ALB: variants seen among roughly 807,000 people sequenced by gnomAD.
The protein encoded by ALB is serum albumin.
A neutral mutation model predicts 74.5 loss-of-function variants in ALB; 37 were observed. The observed-to-expected ratio is 0.50, with a 90% CI of 0.38 to 0.65. The LOEUF (loss-of-function observed/expected upper bound fraction) is 0.65. ALB is among the 30% of genes least tolerant of loss of function. The pLI is 0.00. For missense variants in ALB, 685 were observed against 718.7 expected (o/e 0.95, Z 0.54); for synonymous variants, 249 against 251.6 (o/e 0.99, Z 0.10).
chr4:73,417,763 G>GTGTGTGTGTGCA, intron 11 of ALB, 94 bp downstream of exon 11: 1 of 1,153,242 alleles, frequency 8.7e-7, no homozygotes, highest in Non-Finnish European at 1.2e-6. Flanking sequence ...AGGAAGTAAT[G>GTGTGTGTGTGCA]TGTGTGTGTG....
At position 73,417,633 on chromosome 4, in the gene ALB, T is replaced by C; in HGVS notation, c.1392T>C (p.His464=). The change falls in exon 11 of 15, where the codon CAT becomes CAC. Residue 464 remains histidine, a synonymous_variant. Transcript: ENST00000295897. The part of the protein sequence containing the change: ...LGKVGSKCCK[H]PEAKRMPCAE... ...AAGTGGGCAGCAAATGTTGTAAACA[T>C]CCTGAAGCAAAAAGAATGCCCTGTG... The C allele has an allele frequency of 6.2e-7, 1 of 1,613,866 alleles. No homozygotes were observed. Among genetic ancestry groups the C allele is most frequent in the African/African-American group, 1.3e-5 (1 of 74,988 alleles).
intron 10 of ALB, among the ~76,000 whole-genome samples, chr4:73,416,695 T>C (rs1308530027): frequency 2.0e-5 from 3 of 152,194 alleles, no homozygotes; most frequent in African/African-American, 7.2e-5. Flanking sequence ...CAGCAAGTAG[T>C]AGGCCTTGAA....
chr4:73,413,995 C>A (rs1382851808), intron 8 of ALB, among the ~76,000 whole-genome samples: 1 of 152,112 alleles, frequency 6.6e-6, no homozygotes, highest in East Asian at 1.9e-4. Context: ...GTCTATCTAA[C>A]TAATCTAATC....
intron 6 of ALB, among the ~76,000 whole-genome samples, chr4:73,411,456 T>A (rs1417655641): frequency 6.6e-6 from 1 of 152,244 alleles, no homozygotes; most frequent in Non-Finnish European, 1.5e-5. Context: ...GTAGAAGTTA[T>A]GATTTCTTTT....
intron 9 of ALB, chr4:73,415,378 G>C (rs1444673233): frequency 1.8e-6 from 1 of 540,800 alleles, no homozygotes; most frequent in Non-Finnish European, 3.2e-6. Flanking sequence ...GATCTGAATA[G>C]AGCAATCTCT....
intron 14 of ALB, 27 bp from the exon 15 acceptor site, chr4:73,421,065 A>G (rs766727932): frequency 4.4e-6 from 3 of 683,324 alleles, no homozygotes; most frequent in Middle Eastern, 2.5e-4. Flanking sequence ...TACAAATAAG[A>G]CTTATATTTG....
At chr4:73,410,188 T>C (rs1415721305) in intron 5 of ALB, 124 bp from the exon 6 acceptor site, 4 of 741,932 alleles carry the variant, frequency 5.4e-6, no homozygotes, top group Non-Finnish European at 9.8e-6. Flanking sequence ...AAGGGAGTAC[T>C]TGGGAATTTA....
At position 73,416,323 on chromosome 4, in the gene ALB, A is replaced by G; in HGVS notation, c.1259A>G (p.Glu420Gly). Residue 420 changes from glutamate (E) to glycine (G), a missense_variant, in exon 10 of 15, where the codon GAG (glutamate) becomes GGG (glycine). Physicochemically the swap from Glu to Gly is moderately conservative, Grantham distance 98. Transcript: ENST00000295897. ...ATCAAACAAAATTGTGAGCTTTTTGAGCAGCTTGGAGAGTACAAATTCCAG... is the reference window on the plus strand; with the variant it reads ...ATCAAACAAAATTGTGAGCTTTTTGGGCAGCTTGGAGAGTACAAATTCCAG... Reference protein sequence around the residue: ...NLIKQNCELFEQLGEYKFQNA... With the variant: ...NLIKQNCELFGQLGEYKFQNA... 1 of 1,613,636 alleles carries G rather than the reference A, an allele frequency of 6.2e-7. No individual in the cohort carries two copies. Among genetic ancestry groups the G allele is most frequent in the Middle Eastern group, 1.7e-4 (1 of 6,020 alleles).
chr4:73,405,936 A>T (rs1361557413), intron 2 of ALB, among the ~76,000 whole-genome samples: 1 of 151,848 alleles, frequency 6.6e-6, no homozygotes, highest in Non-Finnish European at 1.5e-5. Context: ...TTGTTTTTTT[A>T]AAAGTCTACC....
chr4:73,416,217 G>C, intron 9 of ALB, 39 bp from the exon 10 acceptor site: 1 of 1,548,290 alleles, frequency 6.5e-7, no homozygotes, highest in East Asian at 2.3e-5. Flanking sequence ...ATCTGATCCT[G>C]AGGCATAATA....
At chr4:73,421,005 C>A (rs1647181995) in intron 14 of ALB, 87 bp from the exon 15 acceptor site, 2 of 635,434 alleles carry the variant, frequency 3.1e-6, no homozygotes, top group South Asian at 1.8e-5. Context: ...GAAAGATGAT[C>A]TAAGTAATTT....
At chr4:73,418,034 G>T in intron 11 of ALB, 54 bp from the exon 12 acceptor site, 1 of 1,570,066 alleles carries the variant, frequency 6.4e-7, no homozygotes. Flanking sequence ...ATTTTTAGTA[G>T]AAAATTTTCA....
intron 14 of ALB, chr4:73,420,751 C>A (rs2149330251): frequency 6.9e-6 from 2 of 291,592 alleles, no homozygotes; most frequent in South Asian, 1.3e-4. Context: ...AGTGATTTCA[C>A]ATGGTTCAAC....
intron 5 of ALB, 56 bp downstream of exon 5, chr4:73,409,543 T>C: frequency 1.2e-6 from 2 of 1,611,776 alleles, no homozygotes; most frequent in Non-Finnish European, 1.7e-6. Flanking sequence ...ATTTTGTCCA[T>C]TTTGTGGCTA....
intron 3 of ALB, 133 bp from the exon 4 acceptor site, chr4:73,408,461 T>C (rs1718787991): frequency 1.3e-6 from 1 of 758,496 alleles, no homozygotes; most frequent in Non-Finnish European, 2.2e-6. Context: ...TAAACCTCGA[T>C]TGGGAGGGGA....
At position 73,417,709 on chromosome 4, in the gene ALB, A is replaced by C. The variant is rs539202584; in HGVS notation, c.1428+40A>C. ...AAATATAATAAATTAATAATGAAAA[A>C]ATTTTACCTTTAGATATTGATAATG... On this transcript the variant is annotated intron_variant, in intron 11 of 14. Coordinates refer to ENST00000295897, the MANE Select transcript of ALB (RefSeq NM_000477.7). 3.0e-5 allele frequency: 44 copies of C among 1,476,270 alleles called. No homozygotes were observed. The South Asian group carries it at 5.4e-4, about 18-fold the overall frequency. The allele number at this position is 1,476,270 out of a possible 1,614,324, so 91.4% of individuals were successfully genotyped here.
intron 5 of ALB, among the ~76,000 whole-genome samples, chr4:73,409,904 A>G (rs1718829163): frequency 6.6e-6 from 1 of 152,080 alleles, no homozygotes; most frequent in South Asian, 2.1e-4. Flanking sequence ...CATTCCATAA[A>G]TATATATTAT....
chr4:73,419,668 T>C, intron 13 of ALB, 29 bp downstream of exon 13: 1 of 1,612,954 alleles, frequency 6.2e-7, no homozygotes, highest in Non-Finnish European at 8.5e-7. Flanking sequence ...TTTTAATATG[T>C]CCAGTATTCA....
Position 73,412,022 on chromosome 4 carries a change from T to A in ALB, c.740T>A (p.Phe247Tyr). Residue 247 changes from phenylalanine (F) to tyrosine (Y), a missense_variant, in exon 7 of 15, where the codon TTT becomes TAT. Physicochemically the swap from Phe to Tyr is conservative, Grantham distance 22. Coordinates refer to ENST00000295897, the MANE Select transcript of ALB (RefSeq NM_000477.7). ...GCAGTAGCTCGCCTGAGCCAGAGATTTCCCAAAGCTGAGTTTGCAGAAGTT... is the reference window on the plus strand; with the variant it reads ...GCAGTAGCTCGCCTGAGCCAGAGATATCCCAAAGCTGAGTTTGCAGAAGTT... ...AWAVARLSQR[F>Y]PKAEFAEVSK... is the part of the protein sequence containing the mutation. The A allele has an allele frequency of 6.2e-7, 1 of 1,614,200 alleles. No homozygotes were observed. The highest frequency in any genetic ancestry group is 8.5e-7 in the Non-Finnish European group (1 of 1,180,026).
Sources: gnomAD v4.1 joint callset for allele counts (sites outside exome capture counted in the v4.1 genomes callset) on GRCh38, gnomAD v4.1.1 for gene constraint, MANE v1.5 for transcripts, NCBI Gene and HGNC (gene_info 2026-07-23, HGNC 2026-07-21) for gene names.